The following SAXO1 variants were observed in gnomAD, a reference collection of about 807,000 sequenced individuals.
The protein encoded by SAXO1 is 4930500O09Rik.
SAXO1 carries 21 observed loss-of-function variants against 17.5 expected under a neutral mutation model. The observed-to-expected ratio is 1.20, with a 90% confidence interval of 0.85 to 1.72. The LOEUF (loss-of-function observed/expected upper bound fraction) is 1.72, where lower values mean the gene tolerates loss of function less well. Among genes scored for constraint, SAXO1 ranks in the 40% most tolerant of loss-of-function variants. The probability of loss-of-function intolerance (pLI) is 0.00; values close to 1 mark genes in which losing one functional copy is unlikely to be tolerated. For missense variants in SAXO1, 843 were observed against 596.0 expected, an observed-to-expected ratio of 1.41 and a Z score of -4.32; for synonymous variants, 274 against 216.5, an observed-to-expected ratio of 1.27 and a Z score of -2.33.
intron 2 of SAXO1, among the ~76,000 whole-genome samples, chr9:18,947,902 G>GT (rs1563936290): frequency 6.6e-6 from 1 of 152,158 alleles, no homozygotes; most frequent in South Asian, 2.1e-4. Flanking sequence ...GAAACCAGGT[G>GT]TTTTTTTGTG....
At chr9:19,021,515 G>C (rs1420079300) in intron 1 of SAXO1, among the ~76,000 whole-genome samples, 1 of 152,120 alleles carries the variant, frequency 6.6e-6, no homozygotes, top group Non-Finnish European at 1.5e-5. Context: ...GCCCTGACAT[G>C]GAAGTTCTCT....
chr9:19,014,360 G>C (rs898955611), intron 1 of SAXO1, among the ~76,000 whole-genome samples: 3 of 150,804 alleles, frequency 2.0e-5, no homozygotes, highest in African/African-American at 7.3e-5. Context: ...TACTCGGCAG[G>C]CTGAGGCACA....
intron 1 of SAXO1, among the ~76,000 whole-genome samples, chr9:18,959,646 C>G (rs1206650057): frequency 6.6e-6 from 1 of 151,996 alleles, no homozygotes; most frequent in African/African-American, 2.4e-5. Context: ...TGGCAGATGT[C>G]TTTAATTCCA....
intron 1 of SAXO1, among the ~76,000 whole-genome samples, chr9:18,976,764 TAA>T (rs1833170025): frequency 6.6e-6 from 1 of 152,172 alleles, no homozygotes; most frequent in African/African-American, 2.4e-5. Context: ...TCCAAAATGT[TAA>T]AAGTCATGGC....
upstream of SAXO1, among the ~76,000 whole-genome samples, chr9:19,035,126 A>G (rs968792755): frequency 6.6e-6 from 1 of 152,170 alleles, no homozygotes; most frequent in African/African-American, 2.4e-5. Context: ...CTTTTGTTAC[A>G]TCCAGCCAAA....
chr9:19,045,028 C>T (rs962088266), intron 1 of SAXO1, among the ~76,000 whole-genome samples: 5 of 151,908 alleles, frequency 3.3e-5, no homozygotes, highest in Non-Finnish European at 5.9e-5. Flanking sequence ...TGCAATTAGA[C>T]GGCCGGGCGC....
intron 1 of SAXO1, among the ~76,000 whole-genome samples, chr9:18,975,450 G>A (rs943315299): frequency 2.6e-5 from 4 of 152,166 alleles, no homozygotes; most frequent in African/African-American, 9.7e-5. Context: ...ACCCATTTCA[G>A]ACAGCCCTGC....
chr9:19,000,365 C>T (rs1479712560), intron 1 of SAXO1, among the ~76,000 whole-genome samples: 2 of 149,282 alleles, frequency 1.3e-5, no homozygotes, highest in African/African-American at 2.5e-5. Context: ...CCCCTCTGCC[C>T]GGCCACCCAA....
intron 1 of SAXO1, among the ~76,000 whole-genome samples, chr9:19,031,940 T>C (rs1835793282): frequency 6.6e-6 from 1 of 152,162 alleles, no homozygotes; most frequent in Non-Finnish European, 1.5e-5. Context: ...TGTGTCATAT[T>C]TGCCCTTTTT....
chr9:19,041,795 A>G (rs758300865), intron 1 of SAXO1, among the ~76,000 whole-genome samples: 11 of 152,348 alleles, frequency 7.2e-5, no homozygotes, highest in Non-Finnish European at 7.3e-5. Context: ...AAATAAAGTC[A>G]AAATGGATTG....
chr9:18,969,189 G>A lies in SAXO1; in HGVS notation c.39-18252C>T, dbSNP rs530958556. Among the ~76,000 whole-genome samples the A allele has an allele frequency of 6.6e-5, 10 of 152,266 alleles. No individual in the cohort carries two copies. The South Asian group carries it at 2.1e-3, about 32-fold the overall frequency. On this transcript the variant is annotated intron_variant, in intron 1 of 3. Coordinates refer to ENST00000380534, the MANE Select transcript of SAXO1 (RefSeq NM_153707.4). ...AATAGGCTTTAGTCCAACCACCTGG[G>A]TAAAACAGGCTCTTGATTTAAGCTG...
At chr9:18,983,686 G>A (rs1004311303) in intron 1 of SAXO1, among the ~76,000 whole-genome samples, 127 of 152,150 alleles carry the variant, frequency 8.3e-4, no homozygotes, top group Non-Finnish European at 2.5e-4. Flanking sequence ...CAGCACAACT[G>A]CAGTGACTTC....
chr9:18,928,297 A>T lies in SAXO1; in HGVS notation c.1180T>A (p.Ser394Thr). ...INTKSCKPHW[S>T]GPRGNVPVES... ...ACAGGGACATTTCCTCGAGGGCCAGACCAATGAGGCTTACAGCTTTTGGTA... is the reference window on the plus strand; with the variant it reads ...ACAGGGACATTTCCTCGAGGGCCAGTCCAATGAGGCTTACAGCTTTTGGTA... The change falls in exon 4 of 4, where the codon TCT becomes ACT. Residue 394 changes from serine to threonine, a missense_variant. Physicochemically the swap from Ser to Thr is moderately conservative, Grantham distance 58 (BLOSUM62 1). Coordinates refer to ENST00000380534, the MANE Select transcript of SAXO1 (RefSeq NM_153707.4). The T allele has an allele frequency of 6.2e-7, 1 of 1,612,844 alleles. No individual in the cohort carries two copies. Among genetic ancestry groups the T allele is most frequent in the Non-Finnish European group, 8.5e-7 (1 of 1,179,254 alleles).
intron 1 of SAXO1, among the ~76,000 whole-genome samples, chr9:19,041,999 A>G (rs1836090057): frequency 6.6e-6 from 1 of 152,184 alleles, no homozygotes; most frequent in African/African-American, 2.4e-5. Flanking sequence ...CAACAAATCA[A>G]AGAGACAACC....
intron 1 of SAXO1, among the ~76,000 whole-genome samples, chr9:18,977,583 T>C (rs1476265118): frequency 1.3e-5 from 2 of 152,210 alleles, no homozygotes; most frequent in Admixed American, 1.3e-4. Flanking sequence ...TGTTTTCCAC[T>C]AGATTGTAAT....
chr9:19,017,593 G>C (rs1046947436), intron 1 of SAXO1, among the ~76,000 whole-genome samples: 6 of 152,090 alleles, frequency 3.9e-5, no homozygotes, highest in East Asian at 1.9e-4. Context: ...TCCTATACCT[G>C]TCCATATTCC....
Position 18,928,573 on chromosome 9 carries a change from C to T in SAXO1, c.904G>A (p.Asp302Asn). 1 of 1,614,066 alleles carries T rather than the reference C, an allele frequency of 6.2e-7. No homozygotes were observed. Among genetic ancestry groups the T allele is most frequent in the Non-Finnish European group, 8.5e-7 (1 of 1,180,010 alleles). The change falls in exon 4 of 4, where the codon GAT (aspartate) becomes AAT (asparagine). Residue 302 changes from aspartate to asparagine, a missense_variant. Asp to Asn is a conservative substitution (Grantham distance 23). Coordinates refer to ENST00000380534, the MANE Select transcript of SAXO1 (RefSeq NM_153707.4). ...TGGGCCTGCACTGTTGTCAGAAGATCCATCCTGTCTTCGGGAGGGACGTAG... is the reference window on the plus strand; with the variant it reads ...TGGGCCTGCACTGTTGTCAGAAGATTCATCCTGTCTTCGGGAGGGACGTAG... Reference protein sequence around the residue: ...ITYVPPEDRMDLLTTVQAHYT... With the variant: ...ITYVPPEDRMNLLTTVQAHYT...
intron 1 of SAXO1, among the ~76,000 whole-genome samples, chr9:19,047,706 CTCTG>C: frequency 6.6e-6 from 1 of 152,306 alleles, no homozygotes; most frequent in South Asian, 2.1e-4. Flanking sequence ...GCCTCCAAGA[CTCTG>C]AGGAAAAATT....
intron 1 of SAXO1, among the ~76,000 whole-genome samples, chr9:19,012,093 C>CTCGT (rs1331151367): frequency 3.9e-5 from 6 of 152,118 alleles, no homozygotes; most frequent in Admixed American, 3.9e-4. Flanking sequence ...ATCCGCCCAC[C>CTCGT]TTGGCCTCCC....
Sources: allele counts gnomAD v4.1 joint callset (sites outside exome capture counted in the v4.1 genomes callset), GRCh38; gene constraint gnomAD v4.1.1; transcripts MANE v1.5; gene names NCBI Gene and HGNC (gene_info 2026-07-23, HGNC 2026-07-21).